Variants in EYS observed in about 807,000 individuals in gnomAD.
The protein encoded by EYS is protein eyes shut homolog.
Under a neutral mutation model 282.1 loss-of-function variants are expected in EYS, and 250 were observed. That is an observed-to-expected ratio of 0.89 (90% CI 0.80 to 0.98). The LOEUF (loss-of-function observed/expected upper bound fraction) is 0.98, where lower values mean the gene tolerates loss of function less well. Among genes scored for constraint, EYS ranks in the 50% least tolerant of loss-of-function variants. The probability of loss-of-function intolerance (pLI) is 0.00; values close to 1 mark genes in which losing one functional copy is unlikely to be tolerated. For missense variants in EYS, 4,016 were observed against 3,709.0 expected, an observed-to-expected ratio of 1.08 and a Z score of -2.15; for synonymous variants, 1,355 against 1,282.9, an observed-to-expected ratio of 1.06 and a Z score of -1.20.
At chr6:64,156,122 C>T (rs1774913916) in intron 31 of EYS, among the ~76,000 whole-genome samples, 1 of 151,340 alleles carries the variant, frequency 6.6e-6, no homozygotes, top group Admixed American at 6.6e-5. Context: ...ACCCAAATAT[C>T]ATCTTGAATT....
chr6:64,864,386 T>TTTTTTTTTTTTTTTTTTTTTTTTG (rs1491406298), intron 19 of EYS, among the ~76,000 whole-genome samples: 1 of 42,144 alleles, frequency 2.4e-5, no homozygotes, highest in African/African-American at 1.6e-4. Context: ...CTATACCTTC[T>TTTTTTTTTTTTTTTTTTTTTTTTG]TTTTTTTTTT....
At chr6:65,119,811 G>C (rs967516118) in intron 12 of EYS, among the ~76,000 whole-genome samples, 3 of 151,876 alleles carry the variant, frequency 2.0e-5, no homozygotes, top group African/African-American at 7.3e-5. Flanking sequence ...TGGCTGAGCT[G>C]TAATTGTGAC....
At chr6:65,686,313 A>G (rs538656166) in intron 1 of EYS, among the ~76,000 whole-genome samples, 1 of 152,134 alleles carries the variant, frequency 6.6e-6, no homozygotes, top group African/African-American at 2.4e-5. Flanking sequence ...CTGCATCTTG[A>G]AAAATCTAAT....
chr6:65,513,880 C>A (rs936966082), intron 2 of EYS, among the ~76,000 whole-genome samples: 2 of 152,176 alleles, frequency 1.3e-5, no homozygotes, highest in Non-Finnish European at 2.9e-5. Context: ...AAAACTGGCA[C>A]AAGACAGGGC....
chr6:65,677,489 A>G (rs530579866), intron 1 of EYS, among the ~76,000 whole-genome samples: 1 of 152,112 alleles, frequency 6.6e-6, no homozygotes, highest in South Asian at 2.1e-4. Context: ...AGAAGAAAAA[A>G]ATACTTGGGA....
At chr6:63,847,809 C>T (rs987718530) in intron 36 of EYS, among the ~76,000 whole-genome samples, 16 of 152,300 alleles carry the variant, frequency 1.1e-4, no homozygotes, top group African/African-American at 3.6e-4. Context: ...TATATTTGTA[C>T]ATACCCAATT....
intron 2 of EYS, among the ~76,000 whole-genome samples, chr6:65,591,845 A>G (rs1335024518): frequency 6.6e-6 from 1 of 151,996 alleles, no homozygotes; most frequent in Admixed American, 6.6e-5. Flanking sequence ...TGAAAATTAA[A>G]TTATTTTTTA....
At chr6:64,194,373 C>T (rs1185256589) in intron 31 of EYS, among the ~76,000 whole-genome samples, 2 of 152,082 alleles carry the variant, frequency 1.3e-5, no homozygotes, top group African/African-American at 2.4e-5. Context: ...TTTATCTTTA[C>T]TAATGTAAAC....
intron 29 of EYS, among the ~76,000 whole-genome samples, chr6:64,339,830 T>C (rs772839682): frequency 6.6e-6 from 1 of 151,730 alleles, no homozygotes; most frequent in Non-Finnish European, 1.5e-5. Flanking sequence ...TTCTCACTGA[T>C]AAGTGGGAGC....
chr6:65,594,598 T>C (rs2149786595), intron 2 of EYS, among the ~76,000 whole-genome samples: 1 of 152,234 alleles, frequency 6.6e-6, no homozygotes, highest in Non-Finnish European at 1.5e-5. Flanking sequence ...AAAAATTTTC[T>C]CCCATTCTGT....
At chr6:64,507,268 A>G (rs1777241947) in intron 26 of EYS, among the ~76,000 whole-genome samples, 1 of 152,144 alleles carries the variant, frequency 6.6e-6, no homozygotes, top group African/African-American at 2.4e-5. Context: ...ATGAAGCTGG[A>G]AACCAACATT....
intron 13 of EYS, among the ~76,000 whole-genome samples, chr6:65,008,959 G>A (rs1000835814): frequency 2.0e-5 from 3 of 152,120 alleles, no homozygotes; most frequent in Non-Finnish European, 2.9e-5. Flanking sequence ...AGCTGTGATG[G>A]GGCGCTTTAC....
chr6:65,287,843 C>G (rs563876367), intron 12 of EYS, among the ~76,000 whole-genome samples: 81 of 151,260 alleles, frequency 5.4e-4, no homozygotes, highest in African/African-American at 1.9e-3. Flanking sequence ...TGAAGAAAAA[C>G]TGTTCTGTCT....
At chr6:64,436,101 G>C in intron 28 of EYS, 73 bp downstream of exon 28, 2 of 846,300 alleles carry the variant, frequency 2.4e-6, no homozygotes, top group East Asian at 2.7e-5. Flanking sequence ...ATTTTGAAAT[G>C]ACAAGTACAA....
At chr6:65,597,873 G>C (rs543055097) in intron 2 of EYS, among the ~76,000 whole-genome samples, 16 of 152,080 alleles carry the variant, frequency 1.1e-4, no homozygotes, top group African/African-American at 3.1e-4. Flanking sequence ...GGTCAAGGCG[G>C]GCAGATCACT....
rs78524156 is a variant in EYS, at chr6:64,176,919, G to A, written c.6424+53673C>T. ...AGTTTCCATTTGACTTTATGACAAA[G>A]TTGAGTTTAAAATAAAATTTCTCAA... On this transcript the variant is annotated intron_variant, in intron 31 of 42. Coordinates refer to ENST00000503581, the MANE Select transcript of EYS (RefSeq NM_001142800.2). Among the ~76,000 whole-genome samples the A allele has an allele frequency of 8.4e-3, 1,278 of 151,954 alleles. 24 individuals are homozygous for A. Among genetic ancestry groups the A allele is most frequent in the African/African-American group, 0.03 (1,235 of 41,494 alleles).
chr6:64,418,291 A>G (rs567050084), intron 28 of EYS, among the ~76,000 whole-genome samples: 104 of 152,318 alleles, frequency 6.8e-4, no homozygotes, highest in Non-Finnish European at 1.1e-3. Flanking sequence ...AATACACTTG[A>G]TACATATTAA....
At chr6:63,806,509 T>C (rs1164259399) in intron 36 of EYS, 137 bp from the exon 37 acceptor site, 6 of 680,822 alleles carry the variant, frequency 8.8e-6, no homozygotes, top group South Asian at 5.7e-5. Context: ...CCCTTCAGCA[T>C]TGAGCAACTA....
At chr6:63,887,312 G>T (rs1340151513) in intron 35 of EYS, among the ~76,000 whole-genome samples, 1 of 85,838 alleles carries the variant, frequency 1.2e-5, no homozygotes, top group Non-Finnish European at 2.3e-5. Context: ...GGAATAAAAG[G>T]TGTTTTTTTT....
Sources: gnomAD v4.1 joint callset for allele counts (sites outside exome capture counted in the v4.1 genomes callset) on GRCh38, gnomAD v4.1.1 for gene constraint, MANE v1.5 for transcripts, NCBI Gene and HGNC (gene_info 2026-07-23, HGNC 2026-07-21) for gene names.